The following CEMIP2 variants were observed in gnomAD, a reference collection of about 807,000 sequenced individuals.
CEMIP2 encodes the protein cell migration inducing hyaluronidase 2, also known as cell surface hyaluronidase CEMIP2.
A neutral mutation model predicts 146.9 loss-of-function variants in CEMIP2; 79 were observed. The observed-to-expected ratio is 0.54, with a 90% CI of 0.45 to 0.65. The LOEUF (loss-of-function observed/expected upper bound fraction) is 0.65, where lower values mean the gene tolerates loss of function less well. Among genes scored for constraint, CEMIP2 ranks in the 30% least tolerant of loss-of-function variants. CEMIP2 has a pLI of 0.00. For missense variants in CEMIP2, 1,596 were observed against 1,696.2 expected (o/e 0.94, Z 1.04); for synonymous variants, 601 against 606.3 (o/e 0.99, Z 0.13).
intron 10 of CEMIP2, among the ~76,000 whole-genome samples, chr9:71,726,351 A>T (rs2131950019): frequency 6.6e-6 from 1 of 152,338 alleles, no homozygotes; most frequent in South Asian, 2.1e-4. Flanking sequence ...AATGGAAATA[A>T]ATGTTAATTC....
chr9:71,730,014 GACT>G (rs1308118321), intron 9 of CEMIP2, 31 bp downstream of exon 9: 1 of 1,613,644 alleles, frequency 6.2e-7, no homozygotes, highest in Non-Finnish European at 8.5e-7. Flanking sequence ...CAAAGGCCCT[GACT>G]CATGGGTTTT....
At chr9:71,697,111 C>T (rs1242970810) in intron 20 of CEMIP2, among the ~76,000 whole-genome samples, 45 of 152,284 alleles carry the variant, frequency 3.0e-4, no homozygotes, top group South Asian at 2.1e-4. Flanking sequence ...ATTGCCAGGC[C>T]GCAGCCCCAC....
intron 21 of CEMIP2, among the ~76,000 whole-genome samples, chr9:71,691,090 T>C (rs1032443185): frequency 1.3e-5 from 2 of 152,192 alleles, no homozygotes; most frequent in African/African-American, 4.8e-5. Flanking sequence ...ATTATAATAT[T>C]TAAATTTTAC....
In CEMIP2 at chr9:71,690,137, T is replaced by A. The variant is rs763312051; in HGVS notation, c.3806A>T (p.Asp1269Val). Residue 1269 changes from aspartate (D) to valine (V), a missense_variant, in exon 22 of 24, where the codon GAT becomes GTT. By Grantham distance (152) the Asp-to-Val change is radical. Transcript: ENST00000377044. ...LTEKTVFPLA[D>V]VSRIEEYLKT... ...TAAATACTCTTCAATGCGACTGACA[T>A]CAGCAAGAGGAAAAACCGTTTTTTC... 2 of 1,614,108 alleles carry A rather than the reference T, an allele frequency of 1.2e-6. No homozygotes were observed. Among genetic ancestry groups the A allele is most frequent in the Non-Finnish European group, 1.7e-6 (2 of 1,180,000 alleles).
chr9:71,698,153 GT>G lies in CEMIP2; in HGVS notation c.3428del (p.Tyr1143SerfsTer117). ...KAKSHRHGHS[Y>X]CSSQGCERVK... Reference sequence around the variant, plus strand: ...CTCTTTCACATCCCTGAGATGAACAGTAACTGTGGCCATGCCTGTGGCTTTT... The same window carrying G: ...CTCTTTCACATCCCTGAGATGAACAGAACTGTGGCCATGCCTGTGGCTTTT... On this transcript the variant is annotated frameshift_variant, in exon 20 of 24. Coordinates refer to ENST00000377044, the MANE Select transcript of CEMIP2 (RefSeq NM_013390.3). LOFTEE classifies it high-confidence loss of function. 1 of 1,614,104 alleles carries G rather than the reference GT, an allele frequency of 6.2e-7. No homozygotes were observed. Among genetic ancestry groups the G allele is most frequent in the Non-Finnish European group, 8.5e-7 (1 of 1,180,010 alleles).
At chr9:71,697,186 G>T (rs1434158999) in intron 20 of CEMIP2, among the ~76,000 whole-genome samples, 2 of 152,198 alleles carry the variant, frequency 1.3e-5, no homozygotes, top group African/African-American at 2.4e-5. Flanking sequence ...GTTTCCAGGG[G>T]ATCCTGATGC....
intron 4 of CEMIP2, among the ~76,000 whole-genome samples, chr9:71,743,490 A>G (rs1231264052): frequency 6.6e-6 from 1 of 152,218 alleles, no homozygotes; most frequent in Non-Finnish European, 1.5e-5. Flanking sequence ...CCTTGGTCTG[A>G]AAAAGCTTTC....
At position 71,706,458 on chromosome 9, in the gene CEMIP2, T is replaced by C. The variant is rs1282763573; in HGVS notation, c.2986-1655A>G. ...ACGATTCCCAGTGCCCCCTGAGGAG[T>C]ATTAGATGACTTATTTCTTTCTTCA... On this transcript the variant is annotated intron_variant, in intron 17 of 23. Transcript: ENST00000377044. 4.6e-5 allele frequency among the ~76,000 whole-genome samples: 7 copies of C among 152,066 alleles called. 1 individual carries two copies. In the East Asian group the frequency reaches 1.4e-3, roughly 29 times the overall value.
chr9:71,718,082 A>T lies in CEMIP2; in HGVS notation c.2268-3T>A, dbSNP rs1317798350. 6.3e-7 allele frequency: 1 copy of T among 1,594,990 alleles called. No homozygotes were observed. Among genetic ancestry groups the T allele is most frequent in the African/African-American group, 1.3e-5 (1 of 74,304 alleles). ...TTGCATCCTGATGAGGTCGAAATCT[A>T]GGGGTTAAAAAAAGAATTTTAAAAA... On this transcript the variant is annotated splice_polypyrimidine_tract_variant and splice_region_variant and intron_variant, in intron 12 of 23. Coordinates refer to ENST00000377044, the MANE Select transcript of CEMIP2 (RefSeq NM_013390.3).
At chr9:71,729,981 C>G (rs1476629434) in intron 9 of CEMIP2, 67 bp from the exon 10 acceptor site, 1 of 1,612,972 alleles carries the variant, frequency 6.2e-7, no homozygotes, top group Non-Finnish European at 8.5e-7. Flanking sequence ...AAAAACTTCC[C>G]CCAAAACCTC....
intron 21 of CEMIP2, among the ~76,000 whole-genome samples, chr9:71,692,472 C>A (rs1225886333): frequency 1.3e-5 from 2 of 151,422 alleles, no homozygotes; most frequent in African/African-American, 4.9e-5. Context: ...AGTTACCATG[C>A]TAACAGGCTG....
At chr9:71,696,859 C>G (rs1223309582) in intron 20 of CEMIP2, among the ~76,000 whole-genome samples, 1 of 149,836 alleles carries the variant, frequency 6.7e-6, no homozygotes, top group African/African-American at 2.4e-5. Context: ...CCTGGTCTTA[C>G]TGCCATGAAT....
At chr9:71,690,332 T>A in intron 21 of CEMIP2, 86 bp from the exon 22 acceptor site, 1 of 1,463,012 alleles carries the variant, frequency 6.8e-7, no homozygotes, top group Non-Finnish European at 9.3e-7. Flanking sequence ...TTTCCCTGTG[T>A]CTTCTAAACC....
chr9:71,711,708 C>A (rs998884520), intron 16 of CEMIP2, among the ~76,000 whole-genome samples: 1 of 152,184 alleles, frequency 6.6e-6, no homozygotes, highest in Non-Finnish European at 1.5e-5. Context: ...AGCCCTCAGA[C>A]AAGTAAAATA....
chr9:71,712,529 T>C, intron 15 of CEMIP2: 1 of 306,180 alleles, frequency 3.3e-6, no homozygotes, highest in Non-Finnish European at 6.0e-6. Flanking sequence ...AGAAAGATGC[T>C]ATTTTAGACA....
At chr9:71,709,127 A>G (rs555556668) in intron 17 of CEMIP2, 132 bp downstream of exon 17, 6 of 810,914 alleles carry the variant, frequency 7.4e-6, no homozygotes, top group South Asian at 6.8e-5. Context: ...AAGAAAGGAC[A>G]GGACAGGACA....
chr9:71,704,350 C>T (rs367601615), intron 18 of CEMIP2: 2 of 517,732 alleles, frequency 3.9e-6, no homozygotes, highest in Non-Finnish European at 7.0e-6. Context: ...TAAAACCTAT[C>T]GTTGAATGGC....
intron 15 of CEMIP2, 25 bp downstream of exon 15, chr9:71,714,909 A>G: frequency 1.3e-6 from 2 of 1,599,572 alleles, no homozygotes; most frequent in Middle Eastern, 1.7e-4. Context: ...TAAATTTAAC[A>G]CTCCACAGCT....
intron 1 of CEMIP2, among the ~76,000 whole-genome samples, chr9:71,755,382 A>ACACACACACAC (rs1564027281): frequency 2.2e-5 from 2 of 92,930 alleles, no homozygotes; most frequent in South Asian, 3.6e-4. Flanking sequence ...CACACACACA[A>ACACACACACAC]AATTAAATCA....
Sources: allele counts gnomAD v4.1 joint callset (sites outside exome capture counted in the v4.1 genomes callset), GRCh38; gene constraint gnomAD v4.1.1; transcripts MANE v1.5; gene names NCBI Gene and HGNC (gene_info 2026-07-23, HGNC 2026-07-21).